The following QTMAN variants were observed in gnomAD, a reference collection of about 807,000 sequenced individuals.
QTMAN encodes queuosine-tRNA mannosyltransferase.
the QTMAN span, among the ~76,000 whole-genome samples, chr2:144,161,419 A>C: frequency 3.0e-4 from 46 of 152,346 alleles, no homozygotes; most frequent in Admixed American, 2.5e-3. Flanking sequence ...GGAAAAGAAC[A>C]GCATAATGTC....
the QTMAN span, among the ~76,000 whole-genome samples, chr2:144,189,995 T>A: frequency 6.6e-6 from 1 of 152,218 alleles, no homozygotes; most frequent in African/African-American, 2.4e-5. Context: ...TATTTTAACA[T>A]TGGATATACT....
the QTMAN span, chr2:144,142,085 T>A: frequency 1.6e-5 from 25 of 1,550,176 alleles, no homozygotes; most frequent in South Asian, 2.7e-4. Flanking sequence ...ATGCAAATGA[T>A]GAGCCCAGAC....
the QTMAN span, among the ~76,000 whole-genome samples, chr2:144,068,116 C>T: frequency 2.0e-5 from 3 of 151,990 alleles, no homozygotes; most frequent in Non-Finnish European, 4.4e-5. Context: ...GAGTTGATTC[C>T]ACTAAAACAT....
the QTMAN span, among the ~76,000 whole-genome samples, chr2:144,026,161 C>T: frequency 1.2e-4 from 18 of 152,174 alleles, no homozygotes; most frequent in South Asian, 6.2e-4. Context: ...TGGTTGGGAG[C>T]GGTGGCTCAC....
the QTMAN span, among the ~76,000 whole-genome samples, chr2:144,093,157 C>T: frequency 2.0e-5 from 3 of 151,996 alleles, no homozygotes; most frequent in South Asian, 2.1e-4. Context: ...TCTGAAATCT[C>T]GTGTTTTCAG....
the QTMAN span, among the ~76,000 whole-genome samples, chr2:144,314,709 T>C: frequency 6.6e-6 from 1 of 152,204 alleles, no homozygotes; most frequent in East Asian, 1.9e-4. Flanking sequence ...TAAGACTCCG[T>C]CTCAAATAAA....
the QTMAN span, among the ~76,000 whole-genome samples, chr2:144,173,880 A>G: frequency 2.0e-5 from 3 of 152,084 alleles, no homozygotes; most frequent in Non-Finnish European, 4.4e-5. Context: ...AGAGCCTGTC[A>G]CCTTCCTCCC....
chr2:144,142,962 T>A, the QTMAN span, among the ~76,000 whole-genome samples: 1 of 152,088 alleles, frequency 6.6e-6, no homozygotes, highest in African/African-American at 2.4e-5. Flanking sequence ...CCTGGGCTAA[T>A]GGTATGTGCA....
chr2:143,989,576 C>T, the QTMAN span, among the ~76,000 whole-genome samples: 4 of 152,100 alleles, frequency 2.6e-5, no homozygotes, highest in African/African-American at 7.2e-5. Flanking sequence ...AGGAGCAGAA[C>T]GTGAATAAAC....
At chr2:144,122,583 T>C in the QTMAN span, among the ~76,000 whole-genome samples, 1 of 152,138 alleles carries the variant, frequency 6.6e-6, no homozygotes, top group East Asian at 1.9e-4. Context: ...TACAGTATTA[T>C]GTTCTATCTG....
chr2:144,274,014 G>C, the QTMAN span, among the ~76,000 whole-genome samples: 1 of 152,104 alleles, frequency 6.6e-6, no homozygotes, highest in Non-Finnish European at 1.5e-5. Flanking sequence ...CGCACCTGTA[G>C]ACCTAGCTAC....
chr2:144,215,252 A>T, the QTMAN span, among the ~76,000 whole-genome samples: 1 of 146,734 alleles, frequency 6.8e-6, no homozygotes, highest in African/African-American at 2.6e-5. Flanking sequence ...TATTTTTTAA[A>T]AAAAAAAAAA....
At chr2:143,982,706 T>A in the QTMAN span, among the ~76,000 whole-genome samples, 46 of 151,132 alleles carry the variant, frequency 3.0e-4, no homozygotes, top group Admixed American at 2.8e-3. Context: ...TCTAAAAATA[T>A]AAAAATTAGC....
the QTMAN span, among the ~76,000 whole-genome samples, chr2:144,285,736 C>G: frequency 6.6e-6 from 1 of 152,172 alleles, no homozygotes; most frequent in Admixed American, 6.5e-5. Flanking sequence ...AATCTGTCTC[C>G]TACTTTCTAC....
chr2:144,166,379 C>A, the QTMAN span, among the ~76,000 whole-genome samples: 10 of 152,192 alleles, frequency 6.6e-5, no homozygotes, highest in Admixed American at 5.9e-4. Flanking sequence ...CTTGGGTGTC[C>A]CCATATCTTT....
At chr2:144,044,974 T>C in the QTMAN span, among the ~76,000 whole-genome samples, 1 of 152,234 alleles carries the variant, frequency 6.6e-6, no homozygotes, top group Non-Finnish European at 1.5e-5. Context: ...TCTGTGGAGA[T>C]ACAAGGAGTT....
the QTMAN span, among the ~76,000 whole-genome samples, chr2:144,156,328 C>T: frequency 1.3e-5 from 2 of 151,982 alleles, no homozygotes; most frequent in Admixed American, 1.3e-4. Context: ...TACAAGGGTA[C>T]CACTGAATAA....
At chr2:144,099,453 ACT>A in the QTMAN span, among the ~76,000 whole-genome samples, 2 of 152,182 alleles carry the variant, frequency 1.3e-5, no homozygotes, top group Admixed American at 6.5e-5. Context: ...AGAGTCATGT[ACT>A]CTCTGTCCAG....
chr2:144,249,609 T>C, the QTMAN span, among the ~76,000 whole-genome samples: 1 of 152,242 alleles, frequency 6.6e-6, no homozygotes, highest in African/African-American at 2.4e-5. Flanking sequence ...CTGTACACTT[T>C]TATTCTTCAA....
Sources: gnomAD v4.1 joint callset for allele counts (sites outside exome capture counted in the v4.1 genomes callset) on GRCh38, gnomAD v4.1.1 for gene constraint, MANE v1.5 for transcripts, NCBI Gene and HGNC (gene_info 2026-07-23, HGNC 2026-07-21) for gene names.